ATP13A4: variants seen among roughly 807,000 people sequenced by gnomAD.
ATP13A4 encodes probable cation-transporting ATPase 13A4.
A neutral mutation model predicts 142.5 loss-of-function variants in ATP13A4; 114 were observed. The ratio of observed to expected loss-of-function variants is 0.80; its 90% confidence interval spans 0.69 to 0.93. ATP13A4 has a LOEUF of 0.93. ATP13A4 is among the 40% of genes least tolerant of loss of function. The pLI is 0.00. For synonymous variants in ATP13A4, 488 were observed against 514.8 expected, an observed-to-expected ratio of 0.95 and a Z score of 0.70; for missense variants, 1,392 against 1,454.0, an observed-to-expected ratio of 0.96 and a Z score of 0.69.
chr3:193,457,608 T>C, intron 14 of ATP13A4, 143 bp from the exon 15 acceptor site: 2 of 763,562 alleles, frequency 2.6e-6, no homozygotes, highest in East Asian at 5.3e-5. Context: ...TGAACCAGAT[T>C]TATTCCGCCA....
intron 2 of ATP13A4, among the ~76,000 whole-genome samples, chr3:193,566,709 C>T (rs1170676955): frequency 6.6e-6 from 1 of 152,166 alleles, no homozygotes; most frequent in African/African-American, 2.4e-5. Flanking sequence ...TTTGGAAGGT[C>T]TCTTGCTAAC....
chr3:193,508,499 G>A (rs2108680827), intron 2 of ATP13A4, among the ~76,000 whole-genome samples: 1 of 152,142 alleles, frequency 6.6e-6, no homozygotes, highest in South Asian at 2.1e-4. Flanking sequence ...CTGTAAAACT[G>A]GAGAAAAAAA....
At chr3:193,443,387 G>A (rs1716767301) in intron 18 of ATP13A4, among the ~76,000 whole-genome samples, 1 of 152,160 alleles carries the variant, frequency 6.6e-6, no homozygotes, top group South Asian at 2.1e-4. Flanking sequence ...GTTTGTGAGA[G>A]TAACCTCTGA....
intron 29 of ATP13A4, chr3:193,403,779 C>A (rs1249513457): frequency 1.0e-6 from 1 of 984,908 alleles, no homozygotes; most frequent in Non-Finnish European, 1.2e-6. Context: ...CAAAGATTGA[C>A]CATCTTAGAG....
At chr3:193,441,145 G>T (rs1197731485) in intron 20 of ATP13A4, among the ~76,000 whole-genome samples, 1 of 151,960 alleles carries the variant, frequency 6.6e-6, no homozygotes, top group Non-Finnish European at 1.5e-5. Flanking sequence ...CTGTGTAATT[G>T]CAGGGTTTCC....
In ATP13A4 at chr3:193,399,790, G is replaced by A. The variant is rs1306690854; in HGVS notation, c.*2862C>T. On this transcript the variant is annotated 3_prime_UTR_variant, in exon 30 of 30. Transcript: ENST00000342695. ...GAATCCGGGAGGCGGAGCTGGCAGT[G>A]AGCCGAGATTGTGCCACTGCACTCT... Among the ~76,000 whole-genome samples the A allele has an allele frequency of 7.4e-6, 1 of 135,712 alleles. No individual in the cohort carries two copies. Among genetic ancestry groups the A allele is most frequent in the Admixed American group, 8.3e-5 (1 of 12,054 alleles). 89.0% of individuals were successfully genotyped at this position (135,712 alleles called of 152,430 possible).
intron 26 of ATP13A4, among the ~76,000 whole-genome samples, chr3:193,413,523 G>A (rs1458813475): frequency 1.3e-5 from 2 of 152,194 alleles, no homozygotes; most frequent in East Asian, 1.9e-4. Flanking sequence ...GGACATGCAA[G>A]TAGGGAAGAG....
chr3:193,485,472 G>GC (rs1560222695), intron 7 of ATP13A4, among the ~76,000 whole-genome samples: 1 of 152,066 alleles, frequency 6.6e-6, no homozygotes, highest in African/African-American at 2.4e-5. Flanking sequence ...TCTTATTCTC[G>GC]CACAAGTGTA....
At chr3:193,522,729 G>T (rs1195142586) in intron 1 of ATP13A4, among the ~76,000 whole-genome samples, 3 of 152,138 alleles carry the variant, frequency 2.0e-5, no homozygotes, top group African/African-American at 7.2e-5. Context: ...GTTTTCACAA[G>T]CTTCAAACTA....
intron 2 of ATP13A4, among the ~76,000 whole-genome samples, chr3:193,573,939 CT>C (rs796928682): frequency 1.2e-4 from 19 of 152,262 alleles, no homozygotes; most frequent in African/African-American, 3.8e-4. Flanking sequence ...CTGCTATAAC[CT>C]TACCCTGAAT....
intron 8 of ATP13A4, among the ~76,000 whole-genome samples, chr3:193,480,348 G>A: frequency 6.6e-6 from 1 of 152,114 alleles, no homozygotes; most frequent in East Asian, 1.9e-4. Flanking sequence ...AACATCCACA[G>A]AGTGGGAGAA....
intron 25 of ATP13A4, among the ~76,000 whole-genome samples, chr3:193,418,084 T>C (rs1215693080): frequency 1.0e-5 from 1 of 99,414 alleles, no homozygotes; most frequent in South Asian, 4.2e-4. Context: ...ATCCCGCCAC[T>C]GCACTCCAGC....
intron 1 of ATP13A4, among the ~76,000 whole-genome samples, chr3:193,549,429 TATATAG>T (rs764686844): frequency 0.017 from 2,482 of 142,568 alleles, 35 homozygotes; most frequent in Admixed American, 0.045. Context: ...TATATATATA[TATATAG>T]AGAGAGAGAG....
chr3:193,548,109 G>T (rs1037210643), intron 1 of ATP13A4, among the ~76,000 whole-genome samples: 2 of 152,140 alleles, frequency 1.3e-5, no homozygotes, highest in African/African-American at 4.8e-5. Flanking sequence ...TGTTATTCTT[G>T]GGGGAGAGGA....
chr3:193,554,611 C>T (rs1723785703), intron 1 of ATP13A4, 129 bp downstream of exon 1: 1 of 1,205,920 alleles, frequency 8.3e-7, no homozygotes, highest in Non-Finnish European at 1.2e-6. Flanking sequence ...CGTGTAATAC[C>T]AGAGTGAAAT....
chr3:193,468,737 ACT>A (rs1228611887), intron 9 of ATP13A4, among the ~76,000 whole-genome samples: 2 of 152,182 alleles, frequency 1.3e-5, no homozygotes, highest in Non-Finnish European at 2.9e-5. Flanking sequence ...ATAGAGTGAC[ACT>A]CTGTCTCAAA....
intron 1 of ATP13A4, among the ~76,000 whole-genome samples, chr3:193,525,851 A>G (rs1239160386): frequency 6.6e-6 from 1 of 152,210 alleles, no homozygotes; most frequent in Admixed American, 6.5e-5. Context: ...GGAAATCACC[A>G]TATAACCAAA....
chr3:193,474,677 G>T (rs960671294), intron 8 of ATP13A4, among the ~76,000 whole-genome samples: 1 of 124,282 alleles, frequency 8.0e-6, no homozygotes, highest in Non-Finnish European at 1.7e-5. Context: ...GAAAAAGAAA[G>T]AAAAAAGAAA....
At chr3:193,523,539 C>A (rs1244065899) in intron 1 of ATP13A4, among the ~76,000 whole-genome samples, 1 of 152,196 alleles carries the variant, frequency 6.6e-6, no homozygotes, top group African/African-American at 2.4e-5. Flanking sequence ...TCCATAAAAA[C>A]CCCTAAATGA....
Sources: allele counts gnomAD v4.1 joint callset (sites outside exome capture counted in the v4.1 genomes callset), GRCh38; gene constraint gnomAD v4.1.1; transcripts MANE v1.5; gene names NCBI Gene and HGNC (gene_info 2026-07-23, HGNC 2026-07-21).